The following CSMD3 variants were observed in gnomAD, a reference collection of about 807,000 sequenced individuals.
CSMD3 encodes the protein CUB and sushi domain-containing protein 3.
CSMD3 carries 177 observed loss-of-function variants against 435.2 expected under a neutral mutation model. That is an observed-to-expected ratio of 0.41 (90% CI 0.36 to 0.46). CSMD3 has a LOEUF of 0.46. Among genes scored for constraint, CSMD3 ranks in the 20% least tolerant of loss-of-function variants. CSMD3 has a pLI of 0.34. For missense variants in CSMD3, 4,265 were observed against 4,504.6 expected (o/e 0.95, Z 1.52); for synonymous variants, 1,656 against 1,520.5 (o/e 1.09, Z -2.07).
At chr8:112,710,027 T>C (rs1285927605) in intron 13 of CSMD3, among the ~76,000 whole-genome samples, 1 of 152,108 alleles carries the variant, frequency 6.6e-6, no homozygotes. Flanking sequence ...GTAAGCCATT[T>C]CTTTAAAATA....
intron 28 of CSMD3, among the ~76,000 whole-genome samples, chr8:112,509,960 C>T (rs971792422): frequency 6.6e-6 from 1 of 152,136 alleles, no homozygotes; most frequent in African/African-American, 2.4e-5. Context: ...TACTCAACCT[C>T]AAATTAAATT....
At chr8:113,108,469 A>G (rs1450845356) in intron 4 of CSMD3, among the ~76,000 whole-genome samples, 2 of 152,048 alleles carry the variant, frequency 1.3e-5, no homozygotes, top group African/African-American at 2.4e-5. Context: ...TCAAAATAAC[A>G]TAATTGGAAA....
chr8:112,259,487 G>A (rs1467947737), intron 61 of CSMD3, among the ~76,000 whole-genome samples: 3 of 152,010 alleles, frequency 2.0e-5, no homozygotes, highest in Non-Finnish European at 2.9e-5. Flanking sequence ...AATACCTAAC[G>A]TAGGTGACAG....
intron 14 of CSMD3, among the ~76,000 whole-genome samples, chr8:112,687,132 T>C (rs1401503427): frequency 6.6e-6 from 1 of 152,042 alleles, no homozygotes; most frequent in Non-Finnish European, 1.5e-5. Context: ...TTTTGCTAAA[T>C]TTCTGATTTA....
At chr8:112,935,767 G>T (rs575610567) in intron 9 of CSMD3, among the ~76,000 whole-genome samples, 1 of 151,984 alleles carries the variant, frequency 6.6e-6, no homozygotes, top group South Asian at 2.1e-4. Flanking sequence ...ACTGCAAGGG[G>T]GAAGTCACTG....
chr8:112,405,213 C>CAAA lies in CSMD3; in HGVS notation c.5809+1310_5809+1311insTTT, dbSNP rs1439544983. On this transcript the variant is annotated intron_variant, in intron 35 of 70. Coordinates refer to ENST00000297405, the MANE Select transcript of CSMD3 (RefSeq NM_198123.2). ...AAAAAAAAAAAAAAAAAAAAAACCC[C>CAAA]CATATATATATATATATATATATAT... 1.1e-4 allele frequency among the ~76,000 whole-genome samples: 2 copies of CAAA among 17,894 alleles called. 1 individual carries two copies. Among genetic ancestry groups the CAAA allele is most frequent in the Non-Finnish European group, 1.8e-4 (2 of 10,838 alleles). The allele number at this position is 17,894 out of a possible 152,430, so 11.7% of individuals were successfully genotyped here.
At chr8:112,321,408 T>C (rs1312033140) in intron 45 of CSMD3, among the ~76,000 whole-genome samples, 1 of 152,120 alleles carries the variant, frequency 6.6e-6, no homozygotes, top group East Asian at 1.9e-4. Flanking sequence ...GGAAGACTCC[T>C]ATAGTAGGAA....
intron 13 of CSMD3, among the ~76,000 whole-genome samples, chr8:112,756,368 T>C (rs2077698986): frequency 6.6e-6 from 1 of 152,148 alleles, no homozygotes; most frequent in Non-Finnish European, 1.5e-5. Flanking sequence ...CTTCAGGTGT[T>C]CCTAATAGGA....
intron 32 of CSMD3, among the ~76,000 whole-genome samples, chr8:112,441,206 C>T (rs1814975010): frequency 6.6e-6 from 1 of 152,064 alleles, no homozygotes; most frequent in Admixed American, 6.6e-5. Flanking sequence ...TAAAATGCCA[C>T]CAGTCTCTTT....
intron 38 of CSMD3, among the ~76,000 whole-genome samples, chr8:112,375,807 T>C (rs1224315675): frequency 6.6e-6 from 1 of 152,164 alleles, no homozygotes; most frequent in African/African-American, 2.4e-5. Flanking sequence ...TGAATGACTA[T>C]CAAAACATAT....
chr8:113,136,775 T>C (rs1486283546), intron 4 of CSMD3, among the ~76,000 whole-genome samples: 1 of 151,494 alleles, frequency 6.6e-6, no homozygotes, highest in Admixed American at 6.6e-5. Flanking sequence ...TAAGGAGGGA[T>C]TTTAAGACTG....
At chr8:113,303,494 C>T (rs1431722939) in intron 2 of CSMD3, among the ~76,000 whole-genome samples, 1 of 151,704 alleles carries the variant, frequency 6.6e-6, no homozygotes, top group Non-Finnish European at 1.5e-5. Flanking sequence ...AGGCATCATG[C>T]TACCTGACTT....
rs189186344 is a variant in CSMD3, at chr8:113,019,234, G to A, written c.918-55C>T. 1.3e-5 allele frequency: 15 copies of A among 1,163,468 alleles called. 1 individual carries two copies. The highest frequency in any genetic ancestry group is 3.7e-5 in the South Asian group (3 of 81,952). The allele number at this position is 1,163,468 out of a possible 1,614,324, so 72.1% of individuals were successfully genotyped here. A position where few individuals can be genotyped will look rare whatever the true frequency, so the allele number is the denominator to read the frequency against. On this transcript the variant is annotated intron_variant, in intron 5 of 70. Transcript: ENST00000297405. ...TTTAAAAAGCTTTTCAGCAGTAAAC[G>A]TTTTCACAAAATTGGGACCAAACAA... is the stretch of plus-strand genomic sequence containing the variant.
intron 41 of CSMD3, among the ~76,000 whole-genome samples, chr8:112,342,483 T>A (rs1277999079): frequency 6.6e-6 from 1 of 152,152 alleles, no homozygotes; most frequent in Non-Finnish European, 1.5e-5. Context: ...AAGTTTTAAG[T>A]TATTTATATT....
chr8:113,043,506 T>G (rs1450854445), intron 5 of CSMD3, among the ~76,000 whole-genome samples: 2 of 152,170 alleles, frequency 1.3e-5, no homozygotes, highest in African/African-American at 4.8e-5. Context: ...GATCAAAACA[T>G]TTTTTACAAT....
At chr8:112,582,784 G>A (rs1318621148) in intron 23 of CSMD3, among the ~76,000 whole-genome samples, 2 of 151,940 alleles carry the variant, frequency 1.3e-5, no homozygotes, top group African/African-American at 4.8e-5. Context: ...AGGCTAACTG[G>A]TCATGAGGGC....
chr8:113,049,912 T>G (rs949558853), intron 5 of CSMD3, among the ~76,000 whole-genome samples: 1 of 152,152 alleles, frequency 6.6e-6, no homozygotes, highest in African/African-American at 2.4e-5. Flanking sequence ...CATTGCAGAA[T>G]GTGTCTTATG....
intron 27 of CSMD3, among the ~76,000 whole-genome samples, chr8:112,523,376 T>A (rs1179316005): frequency 6.6e-6 from 1 of 151,962 alleles, no homozygotes; most frequent in Non-Finnish European, 1.5e-5. Flanking sequence ...AAAATACAAT[T>A]CTGAAATGAA....
chr8:112,750,195 T>C (rs560910229), intron 13 of CSMD3, among the ~76,000 whole-genome samples: 1 of 152,084 alleles, frequency 6.6e-6, no homozygotes, highest in South Asian at 2.1e-4. Flanking sequence ...AATTAGTAAT[T>C]GTTCAGTAAA....
Sources: allele counts gnomAD v4.1 joint callset (sites outside exome capture counted in the v4.1 genomes callset), GRCh38; gene constraint gnomAD v4.1.1; transcripts MANE v1.5; gene names NCBI Gene and HGNC (gene_info 2026-07-23, HGNC 2026-07-21).